Variants in CYP2J2 observed in about 807,000 individuals in gnomAD.
The protein encoded by CYP2J2 is cytochrome P450 2J2.
A neutral mutation model predicts 48.8 loss-of-function variants in CYP2J2; 41 were observed. The observed-to-expected ratio is 0.84, with a 90% CI of 0.66 to 1.09. The LOEUF (loss-of-function observed/expected upper bound fraction) is 1.09, where lower values mean the gene tolerates loss of function less well. Ranked by LOEUF, CYP2J2 falls within the 50% of genes least tolerant of loss-of-function variation. The pLI, the probability that CYP2J2 is intolerant of heterozygous loss-of-function variation, is 0.00. For missense variants in CYP2J2, 644 were observed against 617.3 expected, an observed-to-expected ratio of 1.04 and a Z score of -0.46; for synonymous variants, 221 against 227.1, an observed-to-expected ratio of 0.97 and a Z score of 0.24.
the CYP2J2 span, among the ~76,000 whole-genome samples, chr1:59,951,069 TA>T: frequency 3.0e-4 from 46 of 152,282 alleles, no homozygotes; most frequent in African/African-American, 1.1e-3. Context: ...CGTACCTTTG[TA>T]AGGAGCATGG....
At chr1:59,910,760 C>T (rs11572266) in intron 4 of CYP2J2, among the ~76,000 whole-genome samples, 13 of 152,070 alleles carry the variant, frequency 8.5e-5, no homozygotes, top group African/African-American at 2.4e-4. Flanking sequence ...ACTTCTCCCC[C>T]CTCCCCCCAG....
At chr1:59,959,487 T>C in the CYP2J2 span, among the ~76,000 whole-genome samples, 1 of 151,918 alleles carries the variant, frequency 6.6e-6, no homozygotes, top group African/African-American at 2.4e-5. Flanking sequence ...CAATTCACGA[T>C]TGCAAAAATA....
chr1:59,923,032 C>A (rs1029917217), intron 1 of CYP2J2, among the ~76,000 whole-genome samples: 1 of 152,170 alleles, frequency 6.6e-6, no homozygotes, highest in Non-Finnish European at 1.5e-5. Context: ...AGTCAGAGGG[C>A]AAATTAGGCT....
At chr1:59,915,912 C>G (rs3738474) in intron 2 of CYP2J2, 26 bp downstream of exon 2, 2 of 1,606,214 alleles carry the variant, frequency 1.2e-6, no homozygotes, top group African/African-American at 2.7e-5. Flanking sequence ...ATCAAACACT[C>G]ACCTTTCGTT....
intron 2 of CYP2J2, 94 bp downstream of exon 2, chr1:59,915,844 G>A: frequency 8.1e-7 from 1 of 1,234,556 alleles, no homozygotes; most frequent in South Asian, 1.7e-5. Flanking sequence ...CTGGTTTCTA[G>A]GAGTGTTGGA....
At chr1:59,946,449 C>T in the CYP2J2 span, among the ~76,000 whole-genome samples, 1 of 152,152 alleles carries the variant, frequency 6.6e-6, no homozygotes, top group African/African-American at 2.4e-5. Flanking sequence ...TTTTCTTACA[C>T]CATTAATTCT....
the CYP2J2 span, among the ~76,000 whole-genome samples, chr1:59,943,009 G>C: frequency 6.6e-6 from 1 of 152,232 alleles, no homozygotes; most frequent in Non-Finnish European, 1.5e-5. Flanking sequence ...ATTTTGGGTG[G>C]TGGTGCTATT....
chr1:59,913,260 A>G (rs911655971), intron 2 of CYP2J2: 1 of 152,080 alleles, frequency 6.6e-6, no homozygotes, highest in African/African-American at 2.4e-5. Flanking sequence ...GGAGTTCTTC[A>G]GGAACTTCTT....
the CYP2J2 span, among the ~76,000 whole-genome samples, chr1:59,932,021 G>T: frequency 6.6e-6 from 1 of 152,162 alleles, no homozygotes; most frequent in East Asian, 1.9e-4. Flanking sequence ...AATTGATGTG[G>T]TGTATTATTT....
chr1:59,955,411 A>T, the CYP2J2 span, among the ~76,000 whole-genome samples: 9 of 151,872 alleles, frequency 5.9e-5, 1 homozygote, highest in South Asian at 1.9e-3. Context: ...GAAATTAATC[A>T]TTTAATAATA....
Position 59,911,600 on chromosome 1 carries a change from T to C in CYP2J2, c.684+8A>G, listed in dbSNP as rs1484448903. 1 of 1,594,566 alleles carries C rather than the reference T, an allele frequency of 6.3e-7. No individual in the cohort carries two copies. Among genetic ancestry groups the C allele is most frequent in the Non-Finnish European group, 8.6e-7 (1 of 1,169,190 alleles). On this transcript the variant is annotated splice_region_variant and intron_variant, in intron 4 of 8. Coordinates refer to ENST00000371204, the MANE Select transcript of CYP2J2 (RefSeq NM_000775.4). The stretch of plus-strand genomic sequence containing the variant: ...CTGAACAAAGATATGGAGAGACAGC[T>C]GCCTTACCTGGCATGTCTTTGAAGC...
the CYP2J2 span, among the ~76,000 whole-genome samples, chr1:59,938,422 G>A: frequency 6.6e-6 from 1 of 152,194 alleles, no homozygotes; most frequent in Admixed American, 6.5e-5. Context: ...AAACATGTGA[G>A]CAAAGGAATC....
At chr1:59,924,555 A>G (rs1389935142) in intron 1 of CYP2J2, among the ~76,000 whole-genome samples, 1 of 152,172 alleles carries the variant, frequency 6.6e-6, no homozygotes, top group Non-Finnish European at 1.5e-5. Context: ...CAAGATATCT[A>G]TATTTCACTT....
In CYP2J2 at chr1:59,909,791, A is replaced by G. The variant is rs757621876; in HGVS notation, c.854T>C (p.Met285Thr). ...TGACTTTGGTTTTCTCACCTTTGAC[A>G]TTTCTTTAAGGTAAGCATCAATAAA... ...RDFIDAYLKE[M>T]SKHTGNPTSS... is the part of the protein sequence containing the mutation. Residue 285 changes from methionine (M) to threonine (T), a missense_variant, in exon 5 of 9, where the codon ATG becomes ACG. By Grantham distance (81) the Met-to-Thr change is moderately conservative. Transcript: ENST00000371204. 1.3e-6 allele frequency: 2 copies of G among 1,578,070 alleles called. No individual in the cohort carries two copies. The highest frequency in any genetic ancestry group is 1.7e-6 in the Non-Finnish European group (2 of 1,168,138).
At chr1:59,969,142 C>A in the CYP2J2 span, among the ~76,000 whole-genome samples, 3 of 152,266 alleles carry the variant, frequency 2.0e-5, no homozygotes, top group Admixed American at 2.0e-4. Context: ...AAAGAGTTAG[C>A]AGCAGGAAGA....
At chr1:59,939,702 T>G in the CYP2J2 span, among the ~76,000 whole-genome samples, 1 of 152,230 alleles carries the variant, frequency 6.6e-6, no homozygotes, top group African/African-American at 2.4e-5. Context: ...CCAGAGGTAC[T>G]GTTCAGGAGC....
the CYP2J2 span, among the ~76,000 whole-genome samples, chr1:59,963,882 G>GA: frequency 1.6e-4 from 24 of 151,932 alleles, no homozygotes; most frequent in East Asian, 4.1e-3. Flanking sequence ...CAGTTCACAT[G>GA]AAAAATAAAA....
the CYP2J2 span, among the ~76,000 whole-genome samples, chr1:59,955,904 GTA>G: frequency 8.5e-5 from 13 of 152,124 alleles, no homozygotes; most frequent in Non-Finnish European, 1.8e-4. Flanking sequence ...AAGTGTGTGT[GTA>G]TGTGTGTGTG....
At chr1:59,921,144 T>A (rs1028054440) in intron 1 of CYP2J2, among the ~76,000 whole-genome samples, 1 of 152,200 alleles carries the variant, frequency 6.6e-6, no homozygotes, top group African/African-American at 2.4e-5. Flanking sequence ...TGGCATATGA[T>A]AAGCACTTAA....
Sources: allele counts gnomAD v4.1 joint callset (sites outside exome capture counted in the v4.1 genomes callset), GRCh38; gene constraint gnomAD v4.1.1; transcripts MANE v1.5; gene names NCBI Gene and HGNC (gene_info 2026-07-23, HGNC 2026-07-21).